Variants in ZNF385D observed in about 807,000 individuals in gnomAD.
ZNF385D encodes the protein zinc finger protein 659.
Under a neutral mutation model 35.8 loss-of-function variants are expected in ZNF385D, and 15 were observed. The ratio of observed to expected loss-of-function variants is 0.42; its 90% CI spans 0.28 to 0.64. The LOEUF (loss-of-function observed/expected upper bound fraction) is 0.64. Ranked by LOEUF, ZNF385D falls within the 30% of genes least tolerant of loss-of-function variation. The pLI is 0.23. For synonymous variants in ZNF385D, 212 were observed against 186.8 expected (o/e 1.13, Z -1.10); for missense variants, 474 against 494.6 (o/e 0.96, Z 0.39).
At chr3:22,210,411 T>C (rs886974700) in intron 2 of ZNF385D, among the ~76,000 whole-genome samples, 1 of 151,884 alleles carries the variant, frequency 6.6e-6, no homozygotes, top group Non-Finnish European at 1.5e-5. Context: ...AGTATAATTT[T>C]ATTTAACACG....
chr3:21,932,166 CAAAAAAAAAAAAA>C (rs543138588), intron 3 of ZNF385D, among the ~76,000 whole-genome samples: 1 of 55,314 alleles, frequency 1.8e-5, no homozygotes, highest in Non-Finnish European at 3.1e-5. Context: ...GACTCATTCT[CAAAAAAAAAAAAA>C]AAAAAAAAAA....
chr3:21,488,708 G>A (rs1705204684), intron 4 of ZNF385D, among the ~76,000 whole-genome samples: 1 of 151,884 alleles, frequency 6.6e-6, no homozygotes, highest in Admixed American at 6.6e-5. Flanking sequence ...GATAGAAATG[G>A]CATTAAAAAA....
At chr3:21,817,153 C>T (rs1315755050) in intron 3 of ZNF385D, among the ~76,000 whole-genome samples, 4 of 152,108 alleles carry the variant, frequency 2.6e-5, no homozygotes, top group African/African-American at 9.7e-5. Context: ...GAACTTGGAT[C>T]CCTTCTTGAC....
intron 2 of ZNF385D, among the ~76,000 whole-genome samples, chr3:22,331,839 A>G (rs1694949111): frequency 6.6e-6 from 1 of 152,322 alleles, no homozygotes; most frequent in East Asian, 1.9e-4. Context: ...TAATCATCAG[A>G]TTCAAAACTG....
At chr3:21,678,416 C>A (rs566988879) in intron 1 of ZNF385D, among the ~76,000 whole-genome samples, 14 of 152,030 alleles carry the variant, frequency 9.2e-5, no homozygotes, top group Non-Finnish European at 2.1e-4. Context: ...TGAGAATATA[C>A]AACTCCCTCA....
chr3:22,255,529 C>G (rs1700271998), intron 2 of ZNF385D, among the ~76,000 whole-genome samples: 1 of 151,764 alleles, frequency 6.6e-6, no homozygotes, highest in Admixed American at 6.6e-5. Flanking sequence ...AAATCATTAA[C>G]TGTAGGATCG....
chr3:22,312,714 A>G (rs1426626152), intron 2 of ZNF385D, among the ~76,000 whole-genome samples: 1 of 150,874 alleles, frequency 6.6e-6, no homozygotes, highest in African/African-American at 2.4e-5. Flanking sequence ...ACCACCTCAC[A>G]CCAGTTAGAA....
Position 22,332,268 on chromosome 3 carries a change from C to T in ZNF385D, c.106+40182G>A, listed in dbSNP as rs369683661. 1.4e-4 allele frequency among the ~76,000 whole-genome samples: 21 copies of T among 152,166 alleles called. 1 individual carries two copies. The South Asian group carries it at 2.1e-3, about 15-fold the overall frequency. On this transcript the variant is annotated intron_variant, in intron 2 of 5. Transcript: ENST00000494108. ...AAATTCCATTGCAGAACTAGAACTACGGTAGCAGGTTTATTTGTAAATCTA... is the reference window on the plus strand; with the variant it reads ...AAATTCCATTGCAGAACTAGAACTATGGTAGCAGGTTTATTTGTAAATCTA...
intron 2 of ZNF385D, among the ~76,000 whole-genome samples, chr3:22,248,576 GCT>G (rs2125325303): frequency 7.4e-6 from 1 of 135,262 alleles, no homozygotes; most frequent in South Asian, 2.3e-4. Flanking sequence ...AGGAGGCAAG[GCT>G]TTTGGATTTT....
At chr3:21,908,160 ATC>A (rs1559743550) in intron 3 of ZNF385D, among the ~76,000 whole-genome samples, 2 of 148,780 alleles carry the variant, frequency 1.3e-5, no homozygotes, top group African/African-American at 5.0e-5. Context: ...CTATCTATCT[ATC>A]TATCTATCTA....
chr3:21,858,908 G>C (rs929635748), intron 3 of ZNF385D, among the ~76,000 whole-genome samples: 4 of 151,982 alleles, frequency 2.6e-5, no homozygotes, highest in African/African-American at 9.7e-5. Flanking sequence ...CCGATAACAG[G>C]TCCAATCTGT....
At chr3:22,254,469 T>G (rs1223131182) in intron 2 of ZNF385D, among the ~76,000 whole-genome samples, 8 of 151,856 alleles carry the variant, frequency 5.3e-5, no homozygotes, top group Non-Finnish European at 4.4e-5. Context: ...ATCTTCCATG[T>G]GTTTATATCA....
intron 4 of ZNF385D, among the ~76,000 whole-genome samples, chr3:21,492,573 A>G (rs1705513240): frequency 6.6e-6 from 1 of 151,734 alleles, no homozygotes; most frequent in East Asian, 1.9e-4. Context: ...ACTTGAGGTT[A>G]GGAGTTCGAG....
At chr3:21,494,489 G>A (rs116346715) in intron 4 of ZNF385D, among the ~76,000 whole-genome samples, 262 of 152,250 alleles carry the variant, frequency 1.7e-3, no homozygotes, top group Middle Eastern at 6.8e-3. Context: ...GGAGGATTAT[G>A]GGAAGATTAA....
At chr3:21,653,068 A>C (rs2065965111) in intron 2 of ZNF385D, among the ~76,000 whole-genome samples, 1 of 152,062 alleles carries the variant, frequency 6.6e-6, no homozygotes, top group East Asian at 1.9e-4. Context: ...AATTAATTTC[A>C]ATCTCCCTCT....
At chr3:21,849,355 T>G (rs1696226568) in intron 3 of ZNF385D, among the ~76,000 whole-genome samples, 1 of 152,130 alleles carries the variant, frequency 6.6e-6, no homozygotes, top group Non-Finnish European at 1.5e-5. Context: ...GAATTGCTAA[T>G]TTAAATATTT....
At chr3:21,683,122 A>T (rs920625149) in intron 1 of ZNF385D, among the ~76,000 whole-genome samples, 1 of 149,762 alleles carries the variant, frequency 6.7e-6, no homozygotes, top group Admixed American at 6.7e-5. Context: ...TGCTATTGGT[A>T]CATGATCCAC....
At chr3:21,990,918 G>A (rs1046288441) in intron 3 of ZNF385D, among the ~76,000 whole-genome samples, 3 of 152,120 alleles carry the variant, frequency 2.0e-5, no homozygotes, top group South Asian at 2.1e-4. Context: ...TTGATACAGC[G>A]GATCTATCTT....
At chr3:22,335,816 A>G (rs982754530) in intron 2 of ZNF385D, among the ~76,000 whole-genome samples, 2 of 152,160 alleles carry the variant, frequency 1.3e-5, no homozygotes, top group Non-Finnish European at 2.9e-5. Flanking sequence ...ATTTTAAAAT[A>G]TTAATTTGTA....
Sources: gnomAD v4.1 joint callset for allele counts (sites outside exome capture counted in the v4.1 genomes callset) on GRCh38, gnomAD v4.1.1 for gene constraint, MANE v1.5 for transcripts, NCBI Gene and HGNC (gene_info 2026-07-23, HGNC 2026-07-21) for gene names.